TRDN: variants seen among roughly 807,000 people sequenced by gnomAD.
TRDN encodes the protein triadin.
A neutral mutation model predicts 149.7 loss-of-function variants in TRDN; 161 were observed. The observed-to-expected ratio is 1.08, with a 90% confidence interval of 0.95 to 1.23. TRDN has a LOEUF of 1.23. Ranked by LOEUF, TRDN falls within the 50% of genes most tolerant of loss-of-function variation. TRDN has a pLI of 0.00. For synonymous variants in TRDN, 294 were observed against 250.5 expected (o/e 1.17, Z -1.64); for missense variants, 896 against 823.5 (o/e 1.09, Z -1.08).
intron 2 of TRDN, among the ~76,000 whole-genome samples, chr6:123,551,923 G>GACTTT: frequency 6.6e-6 from 1 of 152,174 alleles, no homozygotes; most frequent in East Asian, 1.9e-4. Context: ...GAAGAACAAA[G>GACTTT]ACTTTACTGC....
chr6:123,224,105 T>C lies in TRDN; in HGVS notation c.2002A>G (p.Lys668Glu). The C allele has an allele frequency of 6.2e-7, 1 of 1,610,710 alleles. No individual in the cohort carries two copies. The highest frequency in any genetic ancestry group is 8.5e-7 in the Non-Finnish European group (1 of 1,178,010). Reference sequence around the variant, plus strand: ...ACAGCAAACTCACCTTTAGCTTTCTTTGAAGCTGGTACATCTTCAACATCT... The same window carrying C: ...ACAGCAAACTCACCTTTAGCTTTCTCTGAAGCTGGTACATCTTCAACATCT... The part of the protein sequence containing the change: ...SKDVEDVPAS[K>E]KAKEGTEDVS... The change falls in exon 39 of 41, where the codon AAG becomes GAG. Residue 668 changes from lysine to glutamate, a missense_variant. By Grantham distance (56) the Lys-to-Glu change is moderately conservative. Coordinates refer to ENST00000334268, the MANE Select transcript of TRDN (RefSeq NM_006073.4).
At chr6:123,580,546 C>T (rs1783072447) in intron 1 of TRDN, among the ~76,000 whole-genome samples, 1 of 152,130 alleles carries the variant, frequency 6.6e-6, no homozygotes, top group Middle Eastern at 3.2e-3. Flanking sequence ...GGGAAAACCT[C>T]TTGCCTTCTA....
At chr6:123,320,753 G>C (rs1311829973) in intron 23 of TRDN, among the ~76,000 whole-genome samples, 2 of 151,490 alleles carry the variant, frequency 1.3e-5, no homozygotes, top group African/African-American at 4.9e-5. Flanking sequence ...TATTATCTAT[G>C]TTGTATTATC....
chr6:123,221,597 A>G (rs1370834382), intron 39 of TRDN, 75 bp from the exon 40 acceptor site: 1 of 965,604 alleles, frequency 1.0e-6, no homozygotes, highest in Non-Finnish European at 1.5e-6. Context: ...GGGACTGAGA[A>G]TGTCTAAACA....
chr6:123,510,015 T>A (rs1779101534), intron 7 of TRDN: 2 of 152,152 alleles, frequency 1.3e-5, no homozygotes, highest in Admixed American at 1.3e-4. Context: ...CTTTAAAATG[T>A]CCACTAGATT....
At chr6:123,238,403 G>A (rs1460415544) in intron 38 of TRDN, among the ~76,000 whole-genome samples, 6 of 152,078 alleles carry the variant, frequency 3.9e-5, no homozygotes, top group African/African-American at 7.2e-5. Flanking sequence ...TACTTTGTTA[G>A]GTGGGTATGG....
intron 2 of TRDN, among the ~76,000 whole-genome samples, chr6:123,566,365 C>A (rs1337527413): frequency 6.6e-6 from 1 of 152,086 alleles, no homozygotes; most frequent in Non-Finnish European, 1.5e-5. Context: ...AAATGAACCA[C>A]AAATAAAAGC....
chr6:123,629,849 T>C (rs1785889647), intron 1 of TRDN, among the ~76,000 whole-genome samples: 1 of 152,040 alleles, frequency 6.6e-6, no homozygotes, highest in Admixed American at 6.6e-5. Flanking sequence ...TCATTGCACA[T>C]TTGCCAAGGA....
intron 14 of TRDN, among the ~76,000 whole-genome samples, chr6:123,387,626 C>A (rs1017649625): frequency 6.6e-6 from 1 of 151,968 alleles, no homozygotes; most frequent in Admixed American, 6.6e-5. Flanking sequence ...CTTATAGAAC[C>A]ACTGAAAAGA....
At chr6:123,610,124 C>A (rs929329937) in intron 1 of TRDN, among the ~76,000 whole-genome samples, 1 of 152,106 alleles carries the variant, frequency 6.6e-6, no homozygotes, top group Admixed American at 6.6e-5. Flanking sequence ...TTCTTGCATG[C>A]AATAGCTATT....
At chr6:123,560,078 C>A (rs1475038589) in intron 2 of TRDN, among the ~76,000 whole-genome samples, 7 of 152,330 alleles carry the variant, frequency 4.6e-5, no homozygotes, top group African/African-American at 1.7e-4. Context: ...TCTGTCCAAA[C>A]AACTTGACCT....
At chr6:123,305,976 G>A (rs1356763629) in intron 24 of TRDN, among the ~76,000 whole-genome samples, 2 of 152,098 alleles carry the variant, frequency 1.3e-5, no homozygotes, top group South Asian at 2.1e-4. Flanking sequence ...TTTTAGATAT[G>A]TTTTGTTGGT....
At chr6:123,613,080 G>C (rs537244549) in intron 1 of TRDN, among the ~76,000 whole-genome samples, 135 of 152,164 alleles carry the variant, frequency 8.9e-4, no homozygotes, top group African/African-American at 3.2e-3. Context: ...AGTACATTTG[G>C]TTAATGACCT....
chr6:123,369,304 C>T (rs371118181), intron 19 of TRDN, among the ~76,000 whole-genome samples: 95 of 152,306 alleles, frequency 6.2e-4, no homozygotes, highest in African/African-American at 1.9e-3. Flanking sequence ...CTCATCTTAA[C>T]TTGAGTATAT....
Position 123,335,456 on chromosome 6 carries a change from T to G in TRDN, c.1420+2163A>C, listed in dbSNP as rs191320868. Reference sequence around the variant, plus strand: ...CACTGGAAAATTACGTATATAAGGTTTGCAGCATGTGATTATTGATTTAGG... The same window carrying G: ...CACTGGAAAATTACGTATATAAGGTGTGCAGCATGTGATTATTGATTTAGG... On this transcript the variant is annotated intron_variant, in intron 22 of 40. Coordinates refer to ENST00000334268, the MANE Select transcript of TRDN (RefSeq NM_006073.4). 2.9e-3 allele frequency among the ~76,000 whole-genome samples: 438 copies of G among 151,946 alleles called. 3 individuals are homozygous for G. Among genetic ancestry groups the G allele is most frequent in the Middle Eastern group, 6.8e-3 (2 of 294 alleles).
At chr6:123,388,695 G>C (rs1781997361) in intron 13 of TRDN, 144 bp from the exon 14 acceptor site, 1 of 843,438 alleles carries the variant, frequency 1.2e-6, no homozygotes, top group East Asian at 2.7e-5. Context: ...TGATAGGAGT[G>C]TAAGCAGAAA....
At chr6:123,364,119 T>C (rs550288254) in intron 20 of TRDN, among the ~76,000 whole-genome samples, 3 of 152,238 alleles carry the variant, frequency 2.0e-5, no homozygotes, top group Non-Finnish European at 4.4e-5. Flanking sequence ...GAAGTTTCTC[T>C]GAGCCTACTC....
At chr6:123,584,229 G>C (rs985359579) in intron 1 of TRDN, among the ~76,000 whole-genome samples, 1 of 151,826 alleles carries the variant, frequency 6.6e-6, no homozygotes, top group Non-Finnish European at 1.5e-5. Context: ...CAAAGAGTGA[G>C]TACAGCTGAA....
At chr6:123,376,087 T>C (rs530825400) in intron 18 of TRDN, among the ~76,000 whole-genome samples, 4 of 152,212 alleles carry the variant, frequency 2.6e-5, no homozygotes, top group African/African-American at 9.6e-5. Flanking sequence ...CTGAAAAAAA[T>C]AGATAATAAT....
Sources: gnomAD v4.1 joint callset for allele counts (sites outside exome capture counted in the v4.1 genomes callset) on GRCh38, gnomAD v4.1.1 for gene constraint, MANE v1.5 for transcripts, NCBI Gene and HGNC (gene_info 2026-07-23, HGNC 2026-07-21) for gene names.